The following DARS2 variants were observed in gnomAD, a reference collection of about 807,000 sequenced individuals.
DARS2 encodes the protein aspartate--tRNA ligase, mitochondrial.
A neutral mutation model predicts 83.0 loss-of-function variants in DARS2; 63 were observed. The observed-to-expected ratio is 0.76, with a 90% CI of 0.62 to 0.94. DARS2 has a LOEUF of 0.94. DARS2 is among the 40% of genes least tolerant of loss of function. The pLI is 0.00. For synonymous variants in DARS2, 250 were observed against 269.3 expected (o/e 0.93, Z 0.70); for missense variants, 675 against 774.4 (o/e 0.87, Z 1.52).
chr1:173,834,542 T>C (rs768761008), intron 7 of DARS2, 23 bp downstream of exon 7: 2 of 1,565,090 alleles, frequency 1.3e-6, no homozygotes, highest in Admixed American at 3.3e-5. Context: ...CTTCAATCAG[T>C]CTATTAATAA....
At position 173,858,351 on chromosome 1, in the gene DARS2, G is replaced by T. The variant is rs934737223; in HGVS notation, c.*646G>T. ...ATACTTGCCCTGGCTACCTCACCGG[G>T]CTGTTATTGCTGGAATCAGAGGAGA... On this transcript the variant is annotated 3_prime_UTR_variant, in exon 17 of 17. Coordinates refer to ENST00000649689, the MANE Select transcript of DARS2 (RefSeq NM_018122.5). The T allele has an allele frequency of 6.5e-6, 1 of 153,614 alleles. No homozygotes were observed. The highest frequency in any genetic ancestry group is 1.4e-5 in the Non-Finnish European group (1 of 69,046). 9.5% of individuals were successfully genotyped at this position (153,614 alleles called of 1,614,324 possible). A position where few individuals can be genotyped will look rare whatever the true frequency, so the allele number is the denominator to read the frequency against.
At chr1:173,855,401 C>T (rs528434532) in intron 15 of DARS2, among the ~76,000 whole-genome samples, 6 of 152,220 alleles carry the variant, frequency 3.9e-5, no homozygotes, top group Admixed American at 6.5e-5. Flanking sequence ...CGCACCCAGC[C>T]GAAATCTGTT....
rs982411647 is a variant in DARS2 at position 173,858,105 on chromosome 1, T to C, written c.*400T>C. The C allele has an allele frequency of 1.2e-5, 3 of 244,906 alleles. No homozygotes were observed. The highest frequency in any genetic ancestry group is 6.7e-5 in the African/African-American group (3 of 44,490). 15.2% of individuals were successfully genotyped at this position (244,906 alleles called of 1,614,324 possible). A position where few individuals can be genotyped will look rare whatever the true frequency, so the allele number is the denominator to read the frequency against. On this transcript the variant is annotated 3_prime_UTR_variant, in exon 17 of 17. Coordinates refer to ENST00000649689, the MANE Select transcript of DARS2 (RefSeq NM_018122.5). ...TTGCCCCTGTAAACTAGTGAGTTGA[T>C]GGAGCATTTGCTTCATCATCCTCAT...
chr1:173,858,047 T>C lies in DARS2; in HGVS notation c.*342T>C. The C allele has an allele frequency of 3.3e-6, 1 of 302,610 alleles. No homozygotes were observed. The highest frequency in any genetic ancestry group is 6.4e-6 in the Non-Finnish European group (1 of 155,442). The allele number at this position is 302,610 out of a possible 1,614,324, so 18.7% of individuals were successfully genotyped here. On this transcript the variant is annotated 3_prime_UTR_variant, in exon 17 of 17. Coordinates refer to ENST00000649689, the MANE Select transcript of DARS2 (RefSeq NM_018122.5). ...GTAGATTATTCACTTAGGACAGAGG[T>C]AATCAAATTATGTGTGAAATGTAGG...
intron 6 of DARS2, among the ~76,000 whole-genome samples, 190 bp downstream of exon 6, chr1:173,833,689 A>G (rs113143779): frequency 0.012 from 1,851 of 152,332 alleles, 12 homozygotes; most frequent in Non-Finnish European, 0.018. Context: ...GATAGTCGCT[A>G]TTACATTGAT....
At chr1:173,855,254 C>G (rs978951607) in intron 15 of DARS2, among the ~76,000 whole-genome samples, 1 of 152,016 alleles carries the variant, frequency 6.6e-6, no homozygotes, top group African/African-American at 2.4e-5. Flanking sequence ...CACGTGCGCA[C>G]TAACACACCC....
intron 15 of DARS2, 21 bp downstream of exon 15, chr1:173,853,926 T>C: frequency 6.4e-7 from 1 of 1,568,542 alleles, no homozygotes; most frequent in Non-Finnish European, 8.8e-7. Context: ...TCATCTGCTA[T>C]CCTGGGCTTA....
chr1:173,850,276 C>T, intron 12 of DARS2, 51 bp from the exon 13 acceptor site: 1 of 1,482,556 alleles, frequency 6.7e-7, no homozygotes, highest in African/African-American at 1.6e-5. Flanking sequence ...AAATTAATCC[C>T]ACTGTTCAAA....
intron 12 of DARS2, among the ~76,000 whole-genome samples, chr1:173,850,006 C>T (rs1461160165): frequency 6.6e-6 from 1 of 151,528 alleles, no homozygotes; most frequent in East Asian, 1.9e-4. Flanking sequence ...TACAGGTGCA[C>T]AGAACTGGCA....
At chr1:173,854,953 G>A (rs1235234243) in intron 15 of DARS2, among the ~76,000 whole-genome samples, 1 of 152,138 alleles carries the variant, frequency 6.6e-6, no homozygotes, top group Non-Finnish European at 1.5e-5. Context: ...GAAAGGAAAA[G>A]GTCTGAGAGA....
Position 173,850,458 on chromosome 1 carries a change from T to G in DARS2, c.1323T>G (p.Thr441=). Residue 441 remains threonine, a synonymous_variant, in exon 13 of 17, where the codon ACT becomes ACG. Coordinates refer to ENST00000649689, the MANE Select transcript of DARS2 (RefSeq NM_018122.5). Reference sequence around the variant, plus strand: ...AAGAGGAAGATGTGGTCCTACTAACTGCTGGAGAGCACAATAAAGCAGTAA... The same window carrying G: ...AAGAGGAAGATGTGGTCCTACTAACGGCTGGAGAGCACAATAAAGCAGTAA... ...ETQEEDVVLL[T]AGEHNKACSL... is the part of the protein sequence containing the mutation. 1 of 1,614,052 alleles carries G rather than the reference T, an allele frequency of 6.2e-7. No homozygotes were observed. The highest frequency in any genetic ancestry group is 8.5e-7 in the Non-Finnish European group (1 of 1,179,970).
intron 3 of DARS2, among the ~76,000 whole-genome samples, chr1:173,829,622 A>G (rs1157562122): frequency 6.6e-6 from 1 of 151,778 alleles, no homozygotes; most frequent in African/African-American, 2.4e-5. Context: ...AAAATACAAA[A>G]AATTGGCCAG....
At chr1:173,848,684 T>C (rs1396336660) in intron 12 of DARS2, among the ~76,000 whole-genome samples, 1 of 152,222 alleles carries the variant, frequency 6.6e-6, no homozygotes, top group Non-Finnish European at 1.5e-5. Context: ...CAGAGCTGGT[T>C]TTTTCTCATT....
At chr1:173,857,418 ATTC>A in intron 16 of DARS2, 97 bp from the exon 17 acceptor site, 2 of 1,228,364 alleles carry the variant, frequency 1.6e-6, no homozygotes, top group East Asian at 2.4e-5. Context: ...TTTGTTAAAG[ATTC>A]TTATTTAAAA....
In DARS2 at chr1:173,857,814, A is replaced by C. The variant is rs184458663; in HGVS notation, c.*109A>C. ...CCACAGGTCTAACAATCAAGTCTTT[A>C]GATGGAAGGAATCCAGGCAACATTC... is the stretch of plus-strand genomic sequence containing the variant. On this transcript the variant is annotated 3_prime_UTR_variant, in exon 17 of 17. Transcript: ENST00000649689. The C allele has an allele frequency of 6.1e-6, 7 of 1,147,250 alleles. No individual in the cohort carries two copies. In the Admixed American group the frequency reaches 1.1e-4, roughly 19 times the overall value. The allele number at this position is 1,147,250 out of a possible 1,614,324, so 71.1% of individuals were successfully genotyped here.
intron 12 of DARS2, among the ~76,000 whole-genome samples, chr1:173,847,361 T>C (rs1017568733): frequency 2.6e-5 from 4 of 152,164 alleles, no homozygotes; most frequent in Non-Finnish European, 2.9e-5. Context: ...CTAAGAACCA[T>C]AGGACCAGGA....
intron 2 of DARS2, among the ~76,000 whole-genome samples, chr1:173,827,951 A>G (rs191821012): frequency 2.0e-5 from 3 of 152,328 alleles, no homozygotes; most frequent in East Asian, 3.9e-4. Flanking sequence ...GGATTTTACT[A>G]TATGCAAAGT....
intron 9 of DARS2, 35 bp from the exon 10 acceptor site, chr1:173,839,332 G>A (rs1364876319): frequency 1.9e-6 from 3 of 1,598,952 alleles, no homozygotes; most frequent in Admixed American, 1.7e-5. Flanking sequence ...ATATATTGTG[G>A]CTAAATTAGT....
At position 173,858,039 on chromosome 1, in the gene DARS2, G is replaced by A. The variant is rs969233837; in HGVS notation, c.*334G>A. 3.1e-6 allele frequency: 1 copy of A among 321,228 alleles called. No homozygotes were observed. The highest frequency in any genetic ancestry group is 6.0e-6 in the Non-Finnish European group (1 of 165,808). 19.9% of individuals were successfully genotyped at this position (321,228 alleles called of 1,614,324 possible). A position where few individuals can be genotyped will look rare whatever the true frequency, so the allele number is the denominator to read the frequency against. On this transcript the variant is annotated 3_prime_UTR_variant, in exon 17 of 17. Transcript: ENST00000649689. ...CCCAGATAGTAGATTATTCACTTAG[G>A]ACAGAGGTAATCAAATTATGTGTGA...
Sources: gnomAD v4.1 joint callset for allele counts (sites outside exome capture counted in the v4.1 genomes callset) on GRCh38, gnomAD v4.1.1 for gene constraint, MANE v1.5 for transcripts, NCBI Gene and HGNC (gene_info 2026-07-23, HGNC 2026-07-21) for gene names.